SLC8A1: variants seen among roughly 807,000 people sequenced by gnomAD.
The protein encoded by SLC8A1 is solute carrier family 8 member A1, also known as sodium/calcium exchanger 1.
In SLC8A1, 18 loss-of-function variants were observed where a neutral mutation model predicts 68.3. That is an observed-to-expected ratio of 0.26 (90% CI 0.18 to 0.39). The LOEUF (loss-of-function observed/expected upper bound fraction) is 0.39, where lower values mean the gene tolerates loss of function less well. SLC8A1 is among the 10% of genes least tolerant of loss of function. SLC8A1 has a pLI of 1.00. For missense variants in SLC8A1, 985 were observed against 1,156.7 expected (o/e 0.85, Z 2.15); for synonymous variants, 475 against 415.5 (o/e 1.14, Z -1.74).
At chr2:40,121,622 G>A (rs1022128903) in intron 7 of SLC8A1, among the ~76,000 whole-genome samples, 1 of 152,092 alleles carries the variant, frequency 6.6e-6, no homozygotes, top group African/African-American at 2.4e-5. Flanking sequence ...TTGCCAGGTT[G>A]GAAGCTTACC....
chr2:40,168,320 G>A (rs540618860), intron 4 of SLC8A1, among the ~76,000 whole-genome samples: 1 of 152,086 alleles, frequency 6.6e-6, no homozygotes, highest in Non-Finnish European at 1.5e-5. Context: ...GAAGATTGCC[G>A]CCCGGTGAAG....
At chr2:40,383,677 GTATTAAA>G (rs1682656091) in intron 2 of SLC8A1, among the ~76,000 whole-genome samples, 1 of 152,008 alleles carries the variant, frequency 6.6e-6, no homozygotes, top group Non-Finnish European at 1.5e-5. Context: ...ACATAAACAA[GTATTAAA>G]TATTAAGTAG....
intron 2 of SLC8A1, among the ~76,000 whole-genome samples, chr2:40,210,559 G>A (rs1017452405): frequency 5.9e-5 from 9 of 152,230 alleles, no homozygotes; most frequent in East Asian, 3.9e-4. Flanking sequence ...TGCTTTCTTC[G>A]GAATTTTAAG....
intron 2 of SLC8A1, among the ~76,000 whole-genome samples, chr2:40,186,336 G>T (rs1280114158): frequency 6.6e-6 from 1 of 151,780 alleles, no homozygotes; most frequent in African/African-American, 2.4e-5. Flanking sequence ...GTATCACTTG[G>T]TTTAAATTCC....
At chr2:40,139,650 C>T in exon 7 of SLC8A1, 1 of 1,613,996 alleles carries the variant, frequency 6.2e-7, no homozygotes. Flanking sequence ...TTCTCTTCCC[C>T]ACATTCATCG....
chr2:40,401,942 T>C (rs937843524), intron 2 of SLC8A1, among the ~76,000 whole-genome samples: 2 of 152,162 alleles, frequency 1.3e-5, no homozygotes, highest in African/African-American at 2.4e-5. Flanking sequence ...TTGCCCCATA[T>C]CTAATTTTCT....
chr2:40,504,959 A>C (rs1174533164), intron 1 of SLC8A1, among the ~76,000 whole-genome samples: 1 of 151,970 alleles, frequency 6.6e-6, no homozygotes, highest in Non-Finnish European at 1.5e-5. Flanking sequence ...TGCTGGTTAT[A>C]TACCCTGCAA....
intron 1 of SLC8A1, among the ~76,000 whole-genome samples, chr2:40,450,783 A>T (rs1397562999): frequency 6.6e-6 from 1 of 152,230 alleles, no homozygotes; most frequent in Non-Finnish European, 1.5e-5. Context: ...GGGGCTTCAA[A>T]AGGATACCTA....
chr2:40,275,526 T>C (rs1373515499), intron 2 of SLC8A1, among the ~76,000 whole-genome samples: 1 of 152,202 alleles, frequency 6.6e-6, no homozygotes, highest in Admixed American at 6.5e-5. Context: ...CTCATCACAT[T>C]AGCAGGTTGT....
At chr2:40,318,714 T>G (rs928285645) in intron 2 of SLC8A1, among the ~76,000 whole-genome samples, 34 of 152,204 alleles carry the variant, frequency 2.2e-4, no homozygotes, top group African/African-American at 7.7e-4. Flanking sequence ...TTTTATTTAC[T>G]AACTGCAATT....
intron 2 of SLC8A1, among the ~76,000 whole-genome samples, chr2:40,287,581 G>GCTGTGTGTGTGTGTGTGTGTGT: frequency 1.3e-5 from 1 of 74,802 alleles, no homozygotes; most frequent in South Asian, 4.7e-4. Context: ...GCAGAGGAAT[G>GCTGTGTGTGTGTGTGTGTGTGT]ATGTGTGTGT....
At chr2:40,436,652 T>C (rs766043609) in intron 1 of SLC8A1, among the ~76,000 whole-genome samples, 2 of 152,036 alleles carry the variant, frequency 1.3e-5, no homozygotes, top group Non-Finnish European at 1.5e-5. Flanking sequence ...TCCAATACAA[T>C]TAAAAGACAC....
intron 2 of SLC8A1, among the ~76,000 whole-genome samples, chr2:40,413,002 T>C (rs1051927856): frequency 3.9e-5 from 6 of 152,254 alleles, no homozygotes; most frequent in Middle Eastern, 3.4e-3. Flanking sequence ...GCTGCACCCA[T>C]TAACTTGTCA....
At chr2:40,108,980 G>A (rs931830861) in exon 8 of SLC8A1, 2 of 152,150 alleles carry the variant, frequency 1.3e-5, no homozygotes, top group African/African-American at 4.8e-5. Context: ...ATTCTTCTTG[G>A]CGAATAAGCA....
At chr2:40,488,621 G>A (rs1438768304) in intron 1 of SLC8A1, among the ~76,000 whole-genome samples, 2 of 152,010 alleles carry the variant, frequency 1.3e-5, no homozygotes, top group Non-Finnish European at 2.9e-5. Context: ...GAGTTGGGGG[G>A]AGAAAAAGAA....
intron 1 of SLC8A1, among the ~76,000 whole-genome samples, chr2:40,443,828 T>C (rs1700956411): frequency 6.6e-6 from 1 of 152,220 alleles, no homozygotes; most frequent in African/African-American, 2.4e-5. Flanking sequence ...TCCTACACTT[T>C]GGCATTCAGT....
chr2:40,149,562 C>G (rs2043049587), intron 6 of SLC8A1, among the ~76,000 whole-genome samples: 1 of 152,038 alleles, frequency 6.6e-6, no homozygotes, highest in Admixed American at 6.5e-5. Context: ...GTGTAGAGAA[C>G]AGAAATATGC....
At chr2:40,152,402 A>G (rs1207392183) in intron 6 of SLC8A1, among the ~76,000 whole-genome samples, 1 of 151,862 alleles carries the variant, frequency 6.6e-6, no homozygotes, top group Admixed American at 6.6e-5. Context: ...TTTGGATACT[A>G]CCTCTGCAGT....
intron 2 of SLC8A1, among the ~76,000 whole-genome samples, chr2:40,181,302 G>C (rs1208388062): frequency 1.3e-5 from 2 of 152,132 alleles, no homozygotes; most frequent in African/African-American, 4.8e-5. Flanking sequence ...GGGAAACACA[G>C]TTATATAGCT....
Sources: gnomAD v4.1 joint callset for allele counts (sites outside exome capture counted in the v4.1 genomes callset) on GRCh38, gnomAD v4.1.1 for gene constraint, MANE v1.5 for transcripts, NCBI Gene and HGNC (gene_info 2026-07-23, HGNC 2026-07-21) for gene names.